Variants in PSTPIP2 observed in about 807,000 individuals in gnomAD.
The protein encoded by PSTPIP2 is proline-serine-threonine phosphatase interacting protein 2, also known as proline-serine-threonine phosphatase-interacting protein 2.
PSTPIP2 carries 33 observed loss-of-function variants against 63.3 expected under a neutral mutation model. The ratio of observed to expected loss-of-function variants is 0.52; its 90% CI spans 0.40 to 0.70. The LOEUF is 0.70. Ranked by LOEUF, PSTPIP2 falls within the 30% of genes least tolerant of loss-of-function variation. The pLI, the probability that PSTPIP2 is intolerant of heterozygous loss-of-function variation, is 0.00. For synonymous variants in PSTPIP2, 125 were observed against 132.7 expected (o/e 0.94, Z 0.40); for missense variants, 312 against 400.7 (o/e 0.78, Z 1.89).
chr18:46,004,421 G>A (rs1385803483), intron 6 of PSTPIP2, among the ~76,000 whole-genome samples: 1 of 152,140 alleles, frequency 6.6e-6, no homozygotes, highest in East Asian at 1.9e-4. Context: ...GAGATTTCTA[G>A]CAACTTGTCC....
intron 1 of PSTPIP2, among the ~76,000 whole-genome samples, chr18:46,047,621 CAG>C (rs1452744710): frequency 3.9e-5 from 6 of 152,176 alleles, no homozygotes; most frequent in South Asian, 2.1e-4. Flanking sequence ...ACGTGGGAAA[CAG>C]AGGTTGTGGT....
At chr18:46,035,082 C>T (rs1907919719) in intron 2 of PSTPIP2, among the ~76,000 whole-genome samples, 1 of 152,038 alleles carries the variant, frequency 6.6e-6, no homozygotes, top group Non-Finnish European at 1.5e-5. Context: ...AATTGTTAAC[C>T]AGCTGAAAGA....
intron 13 of PSTPIP2, among the ~76,000 whole-genome samples, chr18:45,989,009 T>C (rs1053703585): frequency 1.3e-5 from 2 of 152,170 alleles, no homozygotes; most frequent in African/African-American, 4.8e-5. Flanking sequence ...AGTAAAATCA[T>C]CTTTAAAAAT....
intron 4 of PSTPIP2, among the ~76,000 whole-genome samples, chr18:46,015,466 G>A (rs557777427): frequency 2.6e-5 from 4 of 152,084 alleles, no homozygotes; most frequent in African/African-American, 9.7e-5. Flanking sequence ...CAGTGTCTCC[G>A]AGTTAGACCT....
At chr18:46,002,844 T>A (rs1366991769) in intron 6 of PSTPIP2, among the ~76,000 whole-genome samples, 1 of 152,250 alleles carries the variant, frequency 6.6e-6, no homozygotes, top group African/African-American at 2.4e-5. Context: ...GTGGATGCTG[T>A]AAAATCTTCG....
chr18:46,068,594 G>A (rs902027319), intron 1 of PSTPIP2, among the ~76,000 whole-genome samples: 6 of 151,116 alleles, frequency 4.0e-5, no homozygotes, highest in Admixed American at 1.3e-4. Context: ...CACCATGCCC[G>A]GCCGGCTTAC....
intron 1 of PSTPIP2, among the ~76,000 whole-genome samples, chr18:46,064,290 T>C (rs1425311313): frequency 2.5e-5 from 3 of 118,778 alleles, no homozygotes; most frequent in Non-Finnish European, 1.8e-5. Flanking sequence ...TTCTTTTTTT[T>C]TTTTTTTTTT....
At chr18:46,050,958 G>A (rs554752068) in intron 1 of PSTPIP2, among the ~76,000 whole-genome samples, 63 of 151,982 alleles carry the variant, frequency 4.1e-4, no homozygotes, top group Non-Finnish European at 6.9e-4. Flanking sequence ...CACCTCCTAG[G>A]TTCAAGCCAT....
In PSTPIP2 at chr18:46,064,235, G is replaced by A. The variant is rs531953580; in HGVS notation, c.33+7921C>T. ...GAAGGTAAGTGAGCTTTCACCAGCT[G>A]CTCTGGTTTCTTTTTTCTTTTCTTT... On this transcript the variant is annotated intron_variant, in intron 1 of 14. Transcript: ENST00000409746. 2.7e-3 allele frequency among the ~76,000 whole-genome samples: 401 copies of A among 149,484 alleles called. 2 individuals are homozygous for A. The highest frequency in any genetic ancestry group is 9.1e-3 in the African/African-American group (370 of 40,580).
chr18:46,069,513 C>T (rs904163963), intron 1 of PSTPIP2, among the ~76,000 whole-genome samples: 1 of 152,198 alleles, frequency 6.6e-6, no homozygotes, highest in African/African-American at 2.4e-5. Context: ...TTTTTAGAGA[C>T]AGGGTCTCAC....
At chr18:46,065,160 A>AAAAAG (rs1555693035) in intron 1 of PSTPIP2, among the ~76,000 whole-genome samples, 13 of 150,344 alleles carry the variant, frequency 8.6e-5, no homozygotes, top group South Asian at 2.1e-4. Context: ...AAAAAAAAAA[A>AAAAAG]AAAAGAAAAG....
At chr18:46,065,144 C>CAAAAAAAAA (rs35144990) in intron 1 of PSTPIP2, among the ~76,000 whole-genome samples, 87 of 80,624 alleles carry the variant, frequency 1.1e-3, no homozygotes, top group Non-Finnish European at 1.4e-3. Context: ...AACTCTGTCT[C>CAAAAAAAAA]AAAAAAAAAA....
intron 9 of PSTPIP2, chr18:45,993,982 C>T (rs116583068): frequency 1.3e-4 from 52 of 391,994 alleles, no homozygotes; most frequent in African/African-American, 7.4e-4. Flanking sequence ...GAGTTCCTAC[C>T]GACATTTCCA....
intron 3 of PSTPIP2, among the ~76,000 whole-genome samples, chr18:46,020,305 T>C (rs8097830): frequency 0.27 from 40,544 of 152,036 alleles, 6,736 homozygotes; most frequent in African/African-American, 0.44. Context: ...CCATTATAGA[T>C]TTGAGTCTCT....
At position 46,072,212 on chromosome 18, in the gene PSTPIP2, G is replaced by C; in HGVS notation, c.-24C>G. The C allele has an allele frequency of 6.5e-7, 1 of 1,533,172 alleles. No homozygotes were observed. Among genetic ancestry groups the C allele is most frequent in the Non-Finnish European group, 8.8e-7 (1 of 1,139,916 alleles). The allele number at this position is 1,533,172 out of a possible 1,614,324, so 95.0% of individuals were successfully genotyped here. A position where few individuals can be genotyped will look rare whatever the true frequency, so the allele number is the denominator to read the frequency against. On this transcript the variant is annotated 5_prime_UTR_variant, in exon 1 of 15. Coordinates refer to ENST00000409746, the MANE Select transcript of PSTPIP2 (RefSeq NM_024430.4). Reference sequence around the variant, plus strand: ...ATCGCAGCGCGAGTGGGGGCGCGGAGGAGAGCCGGGCCGCAGGTAGCACAG... The same window carrying C: ...ATCGCAGCGCGAGTGGGGGCGCGGACGAGAGCCGGGCCGCAGGTAGCACAG...
chr18:45,995,107 TG>T (rs1568210016), intron 9 of PSTPIP2, among the ~76,000 whole-genome samples: 1 of 152,172 alleles, frequency 6.6e-6, no homozygotes, highest in Non-Finnish European at 1.5e-5. Context: ...TGTTTGGTTT[TG>T]GGGGGTTTTA....
chr18:45,999,385 C>T (rs1382089147), intron 7 of PSTPIP2, 51 bp downstream of exon 7: 5 of 1,540,636 alleles, frequency 3.2e-6, no homozygotes, highest in Non-Finnish European at 3.6e-6. Context: ...TTGGCTTTAG[C>T]CTGACATAGG....
intron 2 of PSTPIP2, chr18:46,029,456 A>C (rs1907710942): frequency 1.6e-6 from 2 of 1,271,982 alleles, no homozygotes; most frequent in Non-Finnish European, 2.3e-6. Context: ...GAGGTGCCTT[A>C]ACAGATTTGT....
chr18:46,045,297 G>A (rs991175592), intron 1 of PSTPIP2, among the ~76,000 whole-genome samples: 2 of 152,202 alleles, frequency 1.3e-5, no homozygotes, highest in Non-Finnish European at 2.9e-5. Flanking sequence ...TTAAGAAAAT[G>A]TGGCACATAT....
Sources: allele counts gnomAD v4.1 joint callset (sites outside exome capture counted in the v4.1 genomes callset), GRCh38; gene constraint gnomAD v4.1.1; transcripts MANE v1.5; gene names NCBI Gene and HGNC (gene_info 2026-07-23, HGNC 2026-07-21).